The following HUNK variants were observed in gnomAD, a reference collection of about 807,000 sequenced individuals.
HUNK encodes the protein hormonally up-regulated neu tumor-associated kinase.
In HUNK, 21 loss-of-function variants were observed where a neutral mutation model predicts 61.0. That is an observed-to-expected ratio of 0.34 (90% CI 0.24 to 0.50). The LOEUF (loss-of-function observed/expected upper bound fraction) is 0.50, where lower values mean the gene tolerates loss of function less well. Among genes scored for constraint, HUNK ranks in the 20% least tolerant of loss-of-function variants. The pLI is 0.98. For missense variants in HUNK, 772 were observed against 945.7 expected, an observed-to-expected ratio of 0.82 and a Z score of 2.41; for synonymous variants, 371 against 386.1, an observed-to-expected ratio of 0.96 and a Z score of 0.46.
At chr21:31,993,190 C>T (rs112894701) in intron 9 of HUNK, among the ~76,000 whole-genome samples, 6,789 of 152,210 alleles carry the variant, frequency 0.045, 218 homozygotes, top group South Asian at 0.093. Flanking sequence ...TTTGGTCTTA[C>T]AGGCCAACCT....
chr21:31,916,491 A>G (rs2123810579), intron 1 of HUNK, among the ~76,000 whole-genome samples: 1 of 151,944 alleles, frequency 6.6e-6, no homozygotes, highest in Non-Finnish European at 1.5e-5. Context: ...TTTTTCTCCT[A>G]ATACCTAACA....
intron 4 of HUNK, among the ~76,000 whole-genome samples, chr21:31,953,532 C>A (rs2052867091): frequency 6.6e-6 from 1 of 152,216 alleles, no homozygotes; most frequent in African/African-American, 2.4e-5. Context: ...CTGTGCCCGG[C>A]CAGGTTTCCA....
intron 4 of HUNK, among the ~76,000 whole-genome samples, chr21:31,954,432 T>A (rs995552690): frequency 5.3e-5 from 8 of 152,254 alleles, no homozygotes; most frequent in Non-Finnish European, 8.8e-5. Flanking sequence ...CTTTTATTTA[T>A]GGCCCTGTAC....
At chr21:31,890,827 T>C (rs1268022986) in intron 1 of HUNK, among the ~76,000 whole-genome samples, 1 of 151,452 alleles carries the variant, frequency 6.6e-6, no homozygotes, top group Non-Finnish European at 1.5e-5. Context: ...ATTAGGCTAA[T>C]CATAATTTGT....
At chr21:31,911,131 C>T (rs1028946951) in intron 1 of HUNK, among the ~76,000 whole-genome samples, 4 of 152,192 alleles carry the variant, frequency 2.6e-5, no homozygotes, top group Non-Finnish European at 5.9e-5. Flanking sequence ...TCCAACTGCA[C>T]GTGGATTCAT....
rs1304568272 is a variant in HUNK, at chr21:31,995,808, T to G, written c.1346T>G (p.Leu449Arg). 1.9e-6 allele frequency: 3 copies of G among 1,614,108 alleles called. No individual in the cohort carries two copies. Among genetic ancestry groups the G allele is most frequent in the East Asian group, 2.2e-5 (1 of 44,896 alleles). Residue 449 changes from leucine (L) to arginine (R), a missense_variant, in exon 10 of 11, where the codon CTT becomes CGT. Leu to Arg is a moderately radical substitution (Grantham distance 102, BLOSUM62 -2). Coordinates refer to ENST00000270112, the MANE Select transcript of HUNK (RefSeq NM_014586.2). ...GAACAAGAAAAAAGAGGGGATTTTC[T>G]TCATCGACCATTCTCCAAGAAGTTG... ...PKEQEKRGDF[L>R]HRPFSKKLDK...
intron 5 of HUNK, among the ~76,000 whole-genome samples, chr21:31,967,947 A>G (rs995528762): frequency 6.6e-6 from 1 of 152,160 alleles, no homozygotes; most frequent in African/African-American, 2.4e-5. Context: ...TTGCTGTATC[A>G]TGTACCAGTT....
In HUNK at chr21:31,958,960, G is replaced by C; in HGVS notation, c.864G>C (p.Gln288His). 1 of 1,605,092 alleles carries C rather than the reference G, an allele frequency of 6.2e-7. No individual in the cohort carries two copies. The highest frequency in any genetic ancestry group is 8.5e-7 in the Non-Finnish European group (1 of 1,176,688). Residue 288 changes from glutamine to histidine, a missense_variant, in exon 5 of 11, where the codon CAG becomes CAC. This residue lies in a region of HUNK where 359 missense variants were observed against 501.3 expected (regional missense o/e 0.72). Transcript: ENST00000270112. ...AAGAAATGAACCCCCTCCCCACTCA[G>C]CTCTCCACAGGTAATGCACCAGCTG... ...VDKEMNPLPT[Q>H]LSTGAISFLR...
At chr21:31,988,225 G>T (rs1335959842) in intron 8 of HUNK, among the ~76,000 whole-genome samples, 1 of 152,078 alleles carries the variant, frequency 6.6e-6, no homozygotes, top group African/African-American at 2.4e-5. Flanking sequence ...TCCTTTTTCT[G>T]AAAAAGAGAA....
chr21:31,892,178 T>C (rs549886327), intron 1 of HUNK, among the ~76,000 whole-genome samples: 1 of 104,008 alleles, frequency 9.6e-6, no homozygotes, highest in Admixed American at 9.4e-5. Flanking sequence ...TATATATATA[T>C]ATAGAGAGAG....
intron 3 of HUNK, among the ~76,000 whole-genome samples, chr21:31,944,067 T>G (rs1228362264): frequency 6.6e-6 from 1 of 152,214 alleles, no homozygotes; most frequent in Non-Finnish European, 1.5e-5. Context: ...AGCACAATAC[T>G]ATTTTTCTTG....
intron 7 of HUNK, among the ~76,000 whole-genome samples, chr21:31,978,005 C>T (rs889943835): frequency 9.2e-5 from 14 of 152,354 alleles, no homozygotes; most frequent in African/African-American, 3.4e-4. Context: ...GCCTGAAGCT[C>T]TTAGACTGTG....
At position 31,958,888 on chromosome 21, in the gene HUNK, G is replaced by T; in HGVS notation, c.792G>T (p.Thr264=). 1 of 1,610,712 alleles carries T rather than the reference G, an allele frequency of 6.2e-7. No individual in the cohort carries two copies. The highest frequency in any genetic ancestry group is 8.5e-7 in the Non-Finnish European group (1 of 1,178,912). ...YAMLTGTLPF[T]VEPFSLRALY... is the part of the protein sequence containing the mutation. ...TGTTGACCGGGACGCTGCCTTTCAC[G>T]GTGGAGCCTTTCAGCCTGAGGGCTT... Residue 264 remains threonine (T), a synonymous_variant, in exon 5 of 11, where the codon ACG becomes ACT. Transcript: ENST00000270112.
chr21:31,875,959 T>C (rs2052259118), intron 1 of HUNK, among the ~76,000 whole-genome samples: 1 of 152,166 alleles, frequency 6.6e-6, no homozygotes, highest in African/African-American at 2.4e-5. Context: ...TGGGGGTGGA[T>C]TCAGAGCTCA....
intron 2 of HUNK, among the ~76,000 whole-genome samples, chr21:31,939,399 G>GTTTTTTT (rs398036365): frequency 1.5e-5 from 1 of 66,720 alleles, no homozygotes; most frequent in Non-Finnish European, 2.7e-5. Flanking sequence ...GCTTTCATGT[G>GTTTTTTT]TTTTTTTTTT....
At chr21:31,990,897 A>G (rs555518778) in intron 9 of HUNK, among the ~76,000 whole-genome samples, 57 of 152,266 alleles carry the variant, frequency 3.7e-4, no homozygotes, top group African/African-American at 1.3e-3. Context: ...TGGCCAAACA[A>G]CTGGGTACCA....
intron 1 of HUNK, among the ~76,000 whole-genome samples, chr21:31,903,131 G>A (rs2052480633): frequency 6.6e-6 from 1 of 151,710 alleles, no homozygotes; most frequent in South Asian, 2.1e-4. Flanking sequence ...TGAAAGCAAT[G>A]GATAACTTAT....
chr21:31,932,962 G>C (rs913147751), intron 2 of HUNK, among the ~76,000 whole-genome samples: 1 of 149,372 alleles, frequency 6.7e-6, no homozygotes, highest in Non-Finnish European at 1.5e-5. Flanking sequence ...CCCCAGGCTG[G>C]AGTGCAGTGG....
intron 3 of HUNK, 35 bp from the exon 4 acceptor site, chr21:31,946,001 A>G (rs1402925640): frequency 1.4e-5 from 22 of 1,552,310 alleles, no homozygotes; most frequent in Non-Finnish European, 1.8e-5. Context: ...GCAGTTTTCT[A>G]ATTCGGAGCT....
Sources: gnomAD v4.1 joint callset for allele counts (sites outside exome capture counted in the v4.1 genomes callset) on GRCh38, gnomAD v4.1.1 for gene constraint, gnomAD v4.1.1 regional missense constraint, MANE v1.5 for transcripts, NCBI Gene and HGNC (gene_info 2026-07-23, HGNC 2026-07-21) for gene names.